Variants in CCSER1 observed in about 807,000 individuals in gnomAD.
The protein encoded by CCSER1 is coiled-coil serine rich protein 1.
In CCSER1, 41 loss-of-function variants were observed where a neutral mutation model predicts 82.0. The ratio of observed to expected loss-of-function variants is 0.50; its 90% CI spans 0.39 to 0.65. CCSER1 has a LOEUF of 0.65. Ranked by LOEUF, CCSER1 falls within the 30% of genes least tolerant of loss-of-function variation. The pLI is 0.00. For synonymous variants in CCSER1, 414 were observed against 383.9 expected, an observed-to-expected ratio of 1.08 and a Z score of -0.92; for missense variants, 1,119 against 1,064.2, an observed-to-expected ratio of 1.05 and a Z score of -0.72.
chr4:90,808,721 A>G lies in CCSER1; in HGVS notation c.2011-7041A>G, dbSNP rs191885252. Among the ~76,000 whole-genome samples the G allele has an allele frequency of 1.1e-4, 17 of 152,268 alleles. No homozygotes were observed. In the East Asian group the frequency reaches 3.3e-3, roughly 29 times the overall value. On this transcript the variant is annotated intron_variant, in intron 7 of 10. Transcript: ENST00000509176. Reference sequence around the variant, plus strand: ...TTTATCCAGAATAACCATTATTAAAAAATCAAAAGACAATAGATGTTACCA... The same window carrying G: ...TTTATCCAGAATAACCATTATTAAAGAATCAAAAGACAATAGATGTTACCA...
chr4:91,427,638 A>C (rs1295843322), intron 10 of CCSER1, among the ~76,000 whole-genome samples: 1 of 152,138 alleles, frequency 6.6e-6, no homozygotes, highest in East Asian at 1.9e-4. Context: ...AGATGAAAAT[A>C]ATCTATTTTA....
chr4:90,469,780 T>C (rs1204411469), intron 5 of CCSER1, among the ~76,000 whole-genome samples: 1 of 152,150 alleles, frequency 6.6e-6, no homozygotes, highest in African/African-American at 2.4e-5. Context: ...TTAAAGTTGT[T>C]CATCAGACTT....
At chr4:90,210,869 GT>G (rs907233888) in intron 1 of CCSER1, among the ~76,000 whole-genome samples, 13 of 150,582 alleles carry the variant, frequency 8.6e-5, no homozygotes, top group South Asian at 2.1e-4. Flanking sequence ...AAAACATTTT[GT>G]TTTTTTTTAA....
chr4:91,274,979 G>A (rs779427747), intron 10 of CCSER1, among the ~76,000 whole-genome samples: 2 of 151,888 alleles, frequency 1.3e-5, no homozygotes, highest in Admixed American at 6.6e-5. Context: ...GGTGGCAGGC[G>A]CTTGTAGTCC....
rs376943823 is a variant in CCSER1, at chr4:91,177,170, A to C, written c.2217+91176A>C. Among the ~76,000 whole-genome samples, 168 of 152,224 alleles carry C rather than the reference A, an allele frequency of 1.1e-3. 3 individuals are homozygous for C. In the East Asian group the frequency reaches 0.025, roughly 23 times the overall value. ...AGCCTTGCATCCCAGGGATGAAGCC[A>C]ACTTGATCATGGTGGATAAGCTTTT... On this transcript the variant is annotated intron_variant, in intron 10 of 10. Transcript: ENST00000509176.
intron 5 of CCSER1, among the ~76,000 whole-genome samples, chr4:90,550,726 G>T (rs946455915): frequency 1.3e-5 from 2 of 152,056 alleles, no homozygotes; most frequent in Non-Finnish European, 2.9e-5. Context: ...CCACTTGAAT[G>T]AAGTAAGTTT....
intron 9 of CCSER1, among the ~76,000 whole-genome samples, chr4:91,056,203 G>A (rs1291652929): frequency 6.6e-6 from 1 of 151,702 alleles, no homozygotes; most frequent in Non-Finnish European, 1.5e-5. Context: ...CATTTTTGTT[G>A]GTTTGTTTTT....
chr4:90,814,649 G>C (rs1221373886), intron 7 of CCSER1, among the ~76,000 whole-genome samples: 1 of 152,064 alleles, frequency 6.6e-6, no homozygotes, highest in African/African-American at 2.4e-5. Context: ...CTTCCACCAG[G>C]TACCTTAAAT....
intron 4 of CCSER1, among the ~76,000 whole-genome samples, chr4:90,450,685 C>G (rs1387370477): frequency 6.6e-6 from 1 of 152,086 alleles, no homozygotes; most frequent in African/African-American, 2.4e-5. Context: ...ACCTTTACTG[C>G]TGTAGGAGTA....
chr4:91,416,735 A>G (rs1753386137), intron 10 of CCSER1, among the ~76,000 whole-genome samples: 1 of 152,078 alleles, frequency 6.6e-6, no homozygotes, highest in African/African-American at 2.4e-5. Flanking sequence ...CTGCAAAACC[A>G]AAAACTATGA....
At chr4:90,280,212 G>A (rs1284012768) in intron 1 of CCSER1, among the ~76,000 whole-genome samples, 1 of 151,986 alleles carries the variant, frequency 6.6e-6, no homozygotes, top group East Asian at 1.9e-4. Flanking sequence ...GACTGAAGTA[G>A]TAAAGTCACT....
intron 1 of CCSER1, among the ~76,000 whole-genome samples, chr4:90,212,307 T>C (rs1305066287): frequency 1.3e-5 from 2 of 152,180 alleles, no homozygotes; most frequent in African/African-American, 4.8e-5. Flanking sequence ...TCTTTAAATG[T>C]ATGATGGAAA....
chr4:91,425,216 C>T (rs1276638027), intron 10 of CCSER1, among the ~76,000 whole-genome samples: 2 of 151,988 alleles, frequency 1.3e-5, no homozygotes, highest in Non-Finnish European at 2.9e-5. Context: ...TCTTTTACCT[C>T]GTATTTTCAT....
intron 9 of CCSER1, among the ~76,000 whole-genome samples, chr4:90,996,613 C>G (rs1737517879): frequency 6.6e-6 from 1 of 152,026 alleles, no homozygotes; most frequent in Non-Finnish European, 1.5e-5. Flanking sequence ...AATAGAATTC[C>G]TTTTAATCAT....
At chr4:91,003,456 G>A (rs1738222893) in intron 9 of CCSER1, among the ~76,000 whole-genome samples, 1 of 152,042 alleles carries the variant, frequency 6.6e-6, no homozygotes, top group East Asian at 1.9e-4. Flanking sequence ...GTTCCTAGGA[G>A]GATTATGCCT....
intron 10 of CCSER1, among the ~76,000 whole-genome samples, chr4:91,275,738 G>C (rs933040119): frequency 2.0e-5 from 3 of 152,022 alleles, no homozygotes; most frequent in Admixed American, 2.0e-4. Flanking sequence ...TTTGCCCAGA[G>C]CAATGTCCTG....
chr4:90,704,759 A>G (rs1738958626), intron 6 of CCSER1, among the ~76,000 whole-genome samples: 1 of 152,088 alleles, frequency 6.6e-6, no homozygotes, highest in Admixed American at 6.5e-5. Context: ...CTTCCAGTTG[A>G]TTGAATTCGC....
chr4:90,156,930 T>G (rs1182062699), intron 1 of CCSER1, among the ~76,000 whole-genome samples: 2 of 152,174 alleles, frequency 1.3e-5, no homozygotes, highest in African/African-American at 4.8e-5. Flanking sequence ...TGTTAGCTGG[T>G]TATTTTGCTC....
chr4:90,697,021 AC>A (rs140353121), intron 6 of CCSER1, among the ~76,000 whole-genome samples: 2,918 of 152,244 alleles, frequency 0.019, 97 homozygotes, highest in African/African-American at 0.066. Flanking sequence ...GAGAACAGAT[AC>A]AGAGCATTCT....
Sources: allele counts gnomAD v4.1 joint callset (sites outside exome capture counted in the v4.1 genomes callset), GRCh38; gene constraint gnomAD v4.1.1; transcripts MANE v1.5; gene names NCBI Gene and HGNC (gene_info 2026-07-23, HGNC 2026-07-21).